The following BBS4 variants were observed in gnomAD, a reference collection of about 807,000 sequenced individuals.
The protein encoded by BBS4 is Bardet-Biedl syndrome 4.
Under a neutral mutation model 71.4 loss-of-function variants are expected in BBS4, and 58 were observed. That is an observed-to-expected ratio of 0.81 (90% CI 0.66 to 1.01). The LOEUF (loss-of-function observed/expected upper bound fraction) is 1.01, where lower values mean the gene tolerates loss of function less well. BBS4 is among the 50% of genes least tolerant of loss of function. The pLI, the probability that BBS4 is intolerant of heterozygous loss-of-function variation, is 0.00. For synonymous variants in BBS4, 228 were observed against 216.8 expected (o/e 1.05, Z -0.46); for missense variants, 660 against 607.9 (o/e 1.09, Z -0.90).
intron 13 of BBS4, 194 bp from the exon 14 acceptor site, chr15:72,735,631 C>T: frequency 2.7e-6 from 2 of 729,840 alleles, no homozygotes; most frequent in Admixed American, 2.1e-5. Flanking sequence ...GTCCCAATAC[C>T]AGCTTTGCTT....
In BBS4 at chr15:72,738,053, AATATT is replaced by A. The variant is rs755130511; in HGVS notation, c.*468_*472del. ...TTTATTAGTCCCCAAGGCAAACACAAATATTAGATTAATAATCCAACTTTAATAGT... is the reference window on the plus strand; with the variant it reads ...TTTATTAGTCCCCAAGGCAAACACAAAGATTAATAATCCAACTTTAATAGT... On this transcript the variant is annotated 3_prime_UTR_variant, in exon 16 of 16. Transcript: ENST00000268057. 1.1e-4 allele frequency: 48 copies of A among 454,144 alleles called. No individual in the cohort carries two copies. The highest frequency in any genetic ancestry group is 7.0e-4 in the African/African-American group (35 of 50,138). 28.1% of individuals were successfully genotyped at this position (454,144 alleles called of 1,614,324 possible).
rs539217064 is a variant in BBS4 at position 72,689,028 on chromosome 15, GAA to G, written c.24+2789_24+2790del. Among the ~76,000 whole-genome samples the G allele has an allele frequency of 2.3e-5, 3 of 130,624 alleles. No individual in the cohort carries two copies. In the East Asian group the frequency reaches 6.6e-4, roughly 29 times the overall value. 85.7% of individuals were successfully genotyped at this position (130,624 alleles called of 152,430 possible). ...AAACCTCCATTCCTAAACTCAGAAA[GAA>G]AAAAAAAAAAAGAGAATGTTACGAC... On this transcript the variant is annotated intron_variant, in intron 1 of 15. Transcript: ENST00000268057.
At chr15:72,691,139 G>A (rs765409216) in intron 1 of BBS4, among the ~76,000 whole-genome samples, 1 of 152,002 alleles carries the variant, frequency 6.6e-6, no homozygotes, top group Non-Finnish European at 1.5e-5. Context: ...TGCAGGCCAC[G>A]CTTGGCTAAT....
At chr15:72,733,359 G>A (rs2065863485) in intron 12 of BBS4, among the ~76,000 whole-genome samples, 1 of 152,004 alleles carries the variant, frequency 6.6e-6, no homozygotes, top group Admixed American at 6.5e-5. Context: ...AGGCACGTGT[G>A]TCATGGGGAT....
At chr15:72,730,469 G>A (rs1468231021) in intron 10 of BBS4, among the ~76,000 whole-genome samples, 1 of 151,970 alleles carries the variant, frequency 6.6e-6, no homozygotes, top group Non-Finnish European at 1.5e-5. Context: ...GCACACACCT[G>A]TAGTCCTAGC....
At chr15:72,734,624 C>T (rs2065885738) in intron 12 of BBS4, among the ~76,000 whole-genome samples, 1 of 152,070 alleles carries the variant, frequency 6.6e-6, no homozygotes, top group Non-Finnish European at 1.5e-5. Context: ...GCAGGGCTTC[C>T]AGAGCAGCTG....
At chr15:72,686,473 C>T (rs1001318298) in intron 1 of BBS4, 5 of 1,530,022 alleles carry the variant, frequency 3.3e-6, no homozygotes, top group Non-Finnish European at 2.6e-6. Flanking sequence ...ACTGTAGTCC[C>T]TCTTGGGGTG....
rs59816410 is a variant in BBS4 at position 72,702,802 on chromosome 15, C to CTTTTTTTTTTTTTTTTTTTTTTTTTT, written c.77-6875_77-6874insTTTTTTTTTTTTTTTTTTTTTTTTTT. ...TTTTTGGTATAGTGAGGAGCTGACTCTTTTTTTTTTTTTTTTTTTTTTTGA... is the reference window on the plus strand; with the variant it reads ...TTTTTGGTATAGTGAGGAGCTGACTCTTTTTTTTTTTTTTTTTTTTTTTTTTTTTTTTTTTTTTTTTTTTTTTTTGA... On this transcript the variant is annotated intron_variant, in intron 2 of 15. Coordinates refer to ENST00000268057, the MANE Select transcript of BBS4 (RefSeq NM_033028.5). Among the ~76,000 whole-genome samples, 9 of 73,494 alleles carry CTTTTTTTTTTTTTTTTTTTTTTTTTT rather than the reference C, an allele frequency of 1.2e-4. 2 individuals are homozygous for CTTTTTTTTTTTTTTTTTTTTTTTTTT. The highest frequency in any genetic ancestry group is 4.7e-4 in the Admixed American group (2 of 4,228). The allele number at this position is 73,494 out of a possible 152,430, so 48.2% of individuals were successfully genotyped here. A position where few individuals can be genotyped will look rare whatever the true frequency, so the allele number is the denominator to read the frequency against.
intron 2 of BBS4, among the ~76,000 whole-genome samples, chr15:72,697,791 C>G (rs2065101995): frequency 6.6e-6 from 1 of 152,138 alleles, no homozygotes; most frequent in African/African-American, 2.4e-5. Context: ...AAGTTTGACT[C>G]TTTAGTTTTG....
At chr15:72,697,965 TC>T (rs1240058978) in intron 2 of BBS4, 1 of 455,840 alleles carries the variant, frequency 2.2e-6, no homozygotes, top group East Asian at 6.9e-5. Flanking sequence ...GAAGTCCTCT[TC>T]CTTTTGCCCC....
intron 2 of BBS4, among the ~76,000 whole-genome samples, chr15:72,698,321 C>A (rs898281243): frequency 2.6e-5 from 4 of 152,196 alleles, no homozygotes; most frequent in African/African-American, 9.6e-5. Flanking sequence ...GCCATCACCA[C>A]TGTCCATTTC....
intron 7 of BBS4, among the ~76,000 whole-genome samples, chr15:72,723,907 CT>C (rs1452739163): frequency 6.6e-6 from 1 of 152,176 alleles, no homozygotes; most frequent in East Asian, 1.9e-4. Context: ...TTAGATTTTA[CT>C]GTACAGCTAA....
intron 2 of BBS4, among the ~76,000 whole-genome samples, chr15:72,708,454 C>A (rs537308134): frequency 6.6e-6 from 1 of 152,092 alleles, no homozygotes; most frequent in Non-Finnish European, 1.5e-5. Context: ...CTGTTATCTT[C>A]GTAAGCTGAG....
intron 2 of BBS4, among the ~76,000 whole-genome samples, chr15:72,708,306 G>A (rs1448021714): frequency 6.6e-6 from 1 of 152,100 alleles, no homozygotes; most frequent in Non-Finnish European, 1.5e-5. Context: ...TTTCTGTTGC[G>A]GGAAGTCAGG....
At chr15:72,705,012 T>A (rs2065238550) in intron 2 of BBS4, among the ~76,000 whole-genome samples, 1 of 152,216 alleles carries the variant, frequency 6.6e-6, no homozygotes, top group African/African-American at 2.4e-5. Context: ...GGTAATACGA[T>A]ACAACTCTAT....
At chr15:72,729,161 CTTTTTTTTT>C (rs71137313) in intron 9 of BBS4, among the ~76,000 whole-genome samples, 7 of 70,036 alleles carry the variant, frequency 1.0e-4, no homozygotes, top group Admixed American at 2.0e-4. Context: ...ACTGTAGCTG[CTTTTTTTTT>C]TTTTTTTTTT....
rs921046904 is a variant in BBS4 at position 72,704,408 on chromosome 15, G to C, written c.77-5292G>C. The C allele has an allele frequency of 7.0e-6, 9 of 1,280,658 alleles. No homozygotes were observed. The African/African-American group carries it at 1.2e-4, about 17-fold the overall frequency. 79.3% of individuals were successfully genotyped at this position (1,280,658 alleles called of 1,614,324 possible). On this transcript the variant is annotated intron_variant, in intron 2 of 15. Coordinates refer to ENST00000268057, the MANE Select transcript of BBS4 (RefSeq NM_033028.5). The stretch of plus-strand genomic sequence containing the variant: ...TACCTGTGAAAGCATATAAGAACCA[G>C]TATCTCCATTTTTAGGGGGAGTTGG...
chr15:72,712,353 C>T (rs2065389328), intron 4 of BBS4, 46 bp downstream of exon 4: 4 of 1,562,584 alleles, frequency 2.6e-6, no homozygotes, highest in African/African-American at 1.4e-5. Flanking sequence ...ATACACTTTT[C>T]CTAGGTTCTT....
rs188235647 is a variant in BBS4 at position 72,705,129 on chromosome 15, A to G, written c.77-4571A>G. 8.4e-4 allele frequency among the ~76,000 whole-genome samples: 128 copies of G among 152,268 alleles called. 1 individual carries two copies. Among genetic ancestry groups the G allele is most frequent in the African/African-American group, 2.9e-3 (121 of 41,548 alleles). ...TTTTCTCCATAGAAAAATATCACTC[A>G]TAAGTGTAACATACTTTATTATCTG... On this transcript the variant is annotated intron_variant, in intron 2 of 15. Coordinates refer to ENST00000268057, the MANE Select transcript of BBS4 (RefSeq NM_033028.5).
Sources: allele counts gnomAD v4.1 joint callset (sites outside exome capture counted in the v4.1 genomes callset), GRCh38; gene constraint gnomAD v4.1.1; transcripts MANE v1.5; gene names NCBI Gene and HGNC (gene_info 2026-07-23, HGNC 2026-07-21).